The following MYH2 variants were observed in gnomAD, a reference collection of about 807,000 sequenced individuals.
The protein encoded by MYH2 is myosin-2.
MYH2 carries 139 observed loss-of-function variants against 228.1 expected under a neutral mutation model. The ratio of observed to expected loss-of-function variants is 0.61; its 90% CI spans 0.53 to 0.70. The LOEUF is 0.70. MYH2 is among the 30% of genes least tolerant of loss of function. MYH2 has a pLI of 0.00. For synonymous variants in MYH2, 796 were observed against 871.1 expected (o/e 0.91, Z 1.52); for missense variants, 1,809 against 2,357.5 (o/e 0.77, Z 4.82).
Position 10,547,005 on chromosome 17 carries a change from C to G in MYH2, c.348+470G>C, listed in dbSNP as rs182165238. Among the ~76,000 whole-genome samples, 6 of 151,830 alleles carry G rather than the reference C, an allele frequency of 4.0e-5. No individual in the cohort carries two copies. The East Asian group carries it at 1.2e-3, about 29-fold the overall frequency. On this transcript the variant is annotated intron_variant, in intron 4 of 39. Transcript: ENST00000245503. The stretch of plus-strand genomic sequence containing the variant: ...ACTCTGGAGGCTGAGGCACAAGAAT[C>G]GCTTGAACCCACGAGGCAGAGGTTG...
chr17:10,545,574 TG>T, intron 4 of MYH2, 72 bp from the exon 5 acceptor site: 8 of 1,589,054 alleles, frequency 5.0e-6, no homozygotes, highest in Middle Eastern at 1.8e-4. Context: ...ATTAATTGAA[TG>T]TTTTTTTGAG....
intron 22 of MYH2, among the ~76,000 whole-genome samples, chr17:10,530,759 G>A (rs927025476): frequency 1.1e-4 from 16 of 152,092 alleles, no homozygotes; most frequent in African/African-American, 3.4e-4. Context: ...ACTGTGTAAC[G>A]AATACAGTGG....
Position 10,537,417 on chromosome 17 carries a change from C to A in MYH2, c.1713G>T (p.Val571=). The A allele has an allele frequency of 1.2e-6, 2 of 1,614,166 alleles. No individual in the cohort carries two copies. The highest frequency in any genetic ancestry group is 1.7e-6 in the Non-Finnish European group (2 of 1,180,030). Residue 571 remains valine (V), a synonymous_variant, in exon 16 of 40, where the codon GTG becomes GTT. Coordinates refer to ENST00000245503, the MANE Select transcript of MYH2 (RefSeq NM_017534.6). The surrounding 1 kb of genome is among the most constrained non-coding windows in gnomAD (Gnocchi z 4.0). Reference sequence around the variant, plus strand: ...AGTGGGCCTCGGCCTTGCCTTTGACCACCTTGGGCTTCTGGAAGTTGGCAG... The same window carrying A: ...AGTGGGCCTCGGCCTTGCCTTTGACAACCTTGGGCTTCTGGAAGTTGGCAG... ...GKSANFQKPK[V]VKGKAEAHFA...
chr17:10,535,451 G>A, intron 17 of MYH2, 86 bp from the exon 18 acceptor site: 1 of 1,166,832 alleles, frequency 8.6e-7, no homozygotes, highest in South Asian at 1.3e-5. Context: ...AATATCTATA[G>A]CTGAGTTGAA....
Sources: gnomAD v4.1 joint callset for allele counts (sites outside exome capture counted in the v4.1 genomes callset) on GRCh38, gnomAD v4.1.1 for gene constraint, Gnocchi (gnomAD v3.1) non-coding constraint, MANE v1.5 for transcripts, NCBI Gene and HGNC (gene_info 2026-07-23, HGNC 2026-07-21) for gene names.